DCBLD2: variants seen among roughly 807,000 people sequenced by gnomAD.
DCBLD2 encodes discoidin, CUB and LCCL domain-containing protein 2.
DCBLD2 carries 54 observed loss-of-function variants against 86.8 expected under a neutral mutation model. That is an observed-to-expected ratio of 0.62 (90% CI 0.50 to 0.78). DCBLD2 has a LOEUF of 0.78. DCBLD2 is among the 30% of genes least tolerant of loss of function. DCBLD2 has a pLI of 0.00. For missense variants in DCBLD2, 908 were observed against 954.2 expected, an observed-to-expected ratio of 0.95 and a Z score of 0.64; for synonymous variants, 354 against 341.3, an observed-to-expected ratio of 1.04 and a Z score of -0.41.
chr3:98,853,388 C>T (rs1028638949), intron 2 of DCBLD2, among the ~76,000 whole-genome samples: 3 of 152,222 alleles, frequency 2.0e-5, no homozygotes, highest in Non-Finnish European at 2.9e-5. Flanking sequence ...GCAGCTGTCC[C>T]CTTTGAAAAA....
chr3:98,842,558 T>G (rs1942639958), intron 3 of DCBLD2, among the ~76,000 whole-genome samples: 1 of 152,150 alleles, frequency 6.6e-6, no homozygotes, highest in East Asian at 1.9e-4. Flanking sequence ...ATACTGAGAG[T>G]GGACACTAAA....
At chr3:98,822,424 A>T in intron 5 of DCBLD2, 63 bp from the exon 6 acceptor site, 4 of 1,537,642 alleles carry the variant, frequency 2.6e-6, no homozygotes, top group Non-Finnish European at 3.5e-6. Context: ...TAAACAAGAC[A>T]CTCTACTTCC....
At chr3:98,846,999 A>C (rs1942738559) in intron 3 of DCBLD2, among the ~76,000 whole-genome samples, 1 of 152,250 alleles carries the variant, frequency 6.6e-6, no homozygotes, top group Non-Finnish European at 1.5e-5. Flanking sequence ...AATGAAAATA[A>C]GAAGCAAATT....
intron 6 of DCBLD2, among the ~76,000 whole-genome samples, chr3:98,821,961 G>A (rs553843877): frequency 3.3e-5 from 5 of 152,142 alleles, no homozygotes; most frequent in Middle Eastern, 6.8e-3. Flanking sequence ...CCGGAGAATC[G>A]CTTGAAACCA....
At chr3:98,872,763 C>T (rs926314182) in intron 2 of DCBLD2, among the ~76,000 whole-genome samples, 10 of 151,042 alleles carry the variant, frequency 6.6e-5, no homozygotes, top group East Asian at 1.9e-4. Context: ...TTACCAAACA[C>T]GAAAAGACAC....
chr3:98,878,096 C>T (rs1943401060), intron 2 of DCBLD2, among the ~76,000 whole-genome samples: 1 of 152,006 alleles, frequency 6.6e-6, no homozygotes, highest in South Asian at 2.1e-4. Context: ...ATTAATATGT[C>T]CCAAATCTAG....
At chr3:98,832,263 C>A (rs1409491634) in intron 3 of DCBLD2, among the ~76,000 whole-genome samples, 1 of 152,196 alleles carries the variant, frequency 6.6e-6, no homozygotes, top group African/African-American at 2.4e-5. Context: ...GCAATGCCTG[C>A]ATTTTTCTGA....
intron 3 of DCBLD2, among the ~76,000 whole-genome samples, chr3:98,841,238 A>G (rs1051110016): frequency 6.6e-6 from 1 of 152,224 alleles, no homozygotes; most frequent in Non-Finnish European, 1.5e-5. Flanking sequence ...TGTGAAGGCA[A>G]GCCAATAATC....
chr3:98,837,831 A>C (rs1482289992), intron 3 of DCBLD2, among the ~76,000 whole-genome samples: 2 of 124,896 alleles, frequency 1.6e-5, no homozygotes, highest in Admixed American at 7.6e-5. Flanking sequence ...TGACCCCCCC[A>C]CCTCCCTCCC....
At chr3:98,849,270 C>A (rs911159755) in intron 3 of DCBLD2, 191 bp downstream of exon 3, 6 of 631,558 alleles carry the variant, frequency 9.5e-6, no homozygotes, top group Non-Finnish European at 1.6e-5. Context: ...AGGGAAGTAA[C>A]GTTTATGTAC....
At chr3:98,885,058 T>G (rs73138063) in intron 1 of DCBLD2, among the ~76,000 whole-genome samples, 25,152 of 152,072 alleles carry the variant, frequency 0.17, 2,172 homozygotes, top group African/African-American at 0.22. Flanking sequence ...TACTAACTGA[T>G]GAAAAACAGG....
At chr3:98,884,960 T>C (rs946995523) in intron 1 of DCBLD2, among the ~76,000 whole-genome samples, 11 of 152,186 alleles carry the variant, frequency 7.2e-5, no homozygotes, top group African/African-American at 2.4e-4. Context: ...AGGTGTCTTA[T>C]GCTCATGTTT....
At chr3:98,830,106 G>GT (rs1169594895) in intron 3 of DCBLD2, among the ~76,000 whole-genome samples, 2 of 152,044 alleles carry the variant, frequency 1.3e-5, no homozygotes, top group Non-Finnish European at 2.9e-5. Context: ...TTGTAAACTT[G>GT]TTTAAGTTCC....
chr3:98,900,197 G>C (rs1943823012), intron 1 of DCBLD2, among the ~76,000 whole-genome samples: 1 of 152,130 alleles, frequency 6.6e-6, no homozygotes, highest in Non-Finnish European at 1.5e-5. Flanking sequence ...ACATAAAGCT[G>C]GGCTTAAAGG....
rs139301248 is a variant in DCBLD2 at position 98,884,734 on chromosome 3, T to C, written c.206-2967A>G. Among the ~76,000 whole-genome samples, 25 of 152,284 alleles carry C rather than the reference T, an allele frequency of 1.6e-4. No individual in the cohort carries two copies. In the East Asian group the frequency reaches 4.8e-3, roughly 29 times the overall value. ...TAACTCAAAATATAAATGCACGTTC[T>C]TTAGTAAATAGAAAACAAAGGCAGC... On this transcript the variant is annotated intron_variant, in intron 1 of 15. Transcript: ENST00000326840.
chr3:98,867,251 T>C (rs989337583), intron 2 of DCBLD2, among the ~76,000 whole-genome samples: 1 of 152,222 alleles, frequency 6.6e-6, no homozygotes, highest in African/African-American at 2.4e-5. Context: ...AAGAAAGTCA[T>C]TGGTAGCTTG....
chr3:98,852,917 C>T (rs745918641), intron 2 of DCBLD2, among the ~76,000 whole-genome samples: 1 of 152,116 alleles, frequency 6.6e-6, no homozygotes, highest in South Asian at 2.1e-4. Context: ...AGATGAGAAA[C>T]GTATTCCCAG....
intron 1 of DCBLD2, among the ~76,000 whole-genome samples, chr3:98,883,126 G>A (rs905649061): frequency 2.6e-5 from 4 of 152,148 alleles, no homozygotes; most frequent in African/African-American, 7.2e-5. Flanking sequence ...AACTGGCCAT[G>A]AGATAGTATC....
intron 2 of DCBLD2, among the ~76,000 whole-genome samples, chr3:98,874,844 C>A (rs1943340347): frequency 6.6e-6 from 1 of 152,196 alleles, no homozygotes; most frequent in Admixed American, 6.5e-5. Context: ...AGGAAGAGAG[C>A]CCTCACCAGA....
Sources: allele counts gnomAD v4.1 joint callset (sites outside exome capture counted in the v4.1 genomes callset), GRCh38; gene constraint gnomAD v4.1.1; transcripts MANE v1.5; gene names NCBI Gene and HGNC (gene_info 2026-07-23, HGNC 2026-07-21).